Variants in LDLRAD4 observed in about 807,000 individuals in gnomAD.
LDLRAD4 encodes low density lipoprotein receptor class A domain containing 4.
In LDLRAD4, 5 loss-of-function variants were observed where a neutral mutation model predicts 17.0. The observed-to-expected ratio is 0.29, with a 90% CI of 0.15 to 0.62. The LOEUF (loss-of-function observed/expected upper bound fraction) is 0.62, where lower values mean the gene tolerates loss of function less well. LDLRAD4 is among the 20% of genes least tolerant of loss of function. The pLI is 0.84. For synonymous variants in LDLRAD4, 168 were observed against 171.8 expected, an observed-to-expected ratio of 0.98 and a Z score of 0.17; for missense variants, 340 against 424.7, an observed-to-expected ratio of 0.80 and a Z score of 1.75.
intron 3 of LDLRAD4, chr18:13,514,741 A>G (rs1359822516): frequency 2.0e-5 from 3 of 152,228 alleles, no homozygotes; most frequent in South Asian, 2.1e-4. Context: ...GCTTAATGCA[A>G]TGCAGCTTGA....
intron 1 of LDLRAD4, among the ~76,000 whole-genome samples, chr18:13,258,676 C>A (rs2043637144): frequency 6.6e-6 from 1 of 152,146 alleles, no homozygotes; most frequent in South Asian, 2.1e-4. Context: ...TCTGATTGTA[C>A]CTTATTGATA....
chr18:13,280,908 C>T (rs751845070), intron 1 of LDLRAD4, among the ~76,000 whole-genome samples: 18 of 152,206 alleles, frequency 1.2e-4, no homozygotes, highest in Non-Finnish European at 2.5e-4. Context: ...TGCATCCCGA[C>T]CTGAACTTCT....
chr18:13,551,963 G>A (rs1005247780), intron 3 of LDLRAD4, among the ~76,000 whole-genome samples: 7 of 152,114 alleles, frequency 4.6e-5, no homozygotes, highest in African/African-American at 1.7e-4. Flanking sequence ...GCAGGATGGG[G>A]AGCAAGAGGG....
intron 2 of LDLRAD4, among the ~76,000 whole-genome samples, chr18:13,390,709 A>G (rs1180444020): frequency 6.6e-6 from 1 of 152,188 alleles, no homozygotes; most frequent in Non-Finnish European, 1.5e-5. Flanking sequence ...GGGGATCAAA[A>G]TAATGGGTCT....
At chr18:13,286,992 G>A (rs1034625168) in intron 1 of LDLRAD4, among the ~76,000 whole-genome samples, 1 of 152,152 alleles carries the variant, frequency 6.6e-6, no homozygotes, top group African/African-American at 2.4e-5. Context: ...AGGAGGTGGC[G>A]CTCACTCCGA....
intron 3 of LDLRAD4, among the ~76,000 whole-genome samples, chr18:13,548,044 C>T (rs545315028): frequency 6.6e-5 from 10 of 152,176 alleles, no homozygotes; most frequent in East Asian, 1.9e-4. Flanking sequence ...TCATGAGTCC[C>T]GAGGTGGGTA....
In LDLRAD4 at chr18:13,398,164, G is replaced by A. The variant is rs557720265; in HGVS notation, c.40+10402G>A. On this transcript the variant is annotated intron_variant, in intron 2 of 5. Transcript: ENST00000359446. The surrounding 1 kb of genome is among the most constrained non-coding windows in gnomAD (Gnocchi z 4.8). ...TCAGAACCGAGTTGGGGCAGGAGGG[G>A]ACGGAGGGAGAGAGGCAGGAGGCTG... is the stretch of plus-strand genomic sequence containing the variant. Among the ~76,000 whole-genome samples the A allele has an allele frequency of 9.3e-4, 142 of 152,384 alleles. No homozygotes were observed. The highest frequency in any genetic ancestry group is 1.9e-3 in the South Asian group (9 of 4,826).
chr18:13,620,908 C>G, intron 3 of LDLRAD4: 1 of 648,824 alleles, frequency 1.5e-6, no homozygotes, highest in South Asian at 2.0e-5. Flanking sequence ...GCTTCCCGCT[C>G]CCCGCAGCTG....
intron 1 of LDLRAD4, among the ~76,000 whole-genome samples, chr18:13,265,507 C>T (rs1166539910): frequency 2.0e-5 from 3 of 152,186 alleles, no homozygotes; most frequent in Admixed American, 1.3e-4. Context: ...CTGGGCTCAT[C>T]GCAATTTGTC....
chr18:13,483,936 T>G (rs1358539568), intron 3 of LDLRAD4: 1 of 152,664 alleles, frequency 6.6e-6, no homozygotes, highest in Admixed American at 6.5e-5. Context: ...GCCATCTGCT[T>G]CACAGCTCAA....
At chr18:13,443,160 TAAC>T (rs1380879178) in intron 3 of LDLRAD4, among the ~76,000 whole-genome samples, 2 of 152,176 alleles carry the variant, frequency 1.3e-5, no homozygotes, top group African/African-American at 4.8e-5. Flanking sequence ...TTTAGGGTAA[TAAC>T]AACCAAATAA....
chr18:13,322,492 A>AT (rs1774846660), intron 1 of LDLRAD4, among the ~76,000 whole-genome samples: 1 of 151,372 alleles, frequency 6.6e-6, no homozygotes, highest in Non-Finnish European at 1.5e-5. Flanking sequence ...TAGAGATGGG[A>AT]TTTTGCCATA....
intron 3 of LDLRAD4, among the ~76,000 whole-genome samples, chr18:13,530,506 A>T (rs1363992950): frequency 6.6e-6 from 1 of 152,194 alleles, no homozygotes; most frequent in Non-Finnish European, 1.5e-5. Context: ...GTCCAAAAAC[A>T]TCCTGGCCAA....
chr18:13,471,241 T>C (rs2092763871), intron 3 of LDLRAD4: 1 of 152,232 alleles, frequency 6.6e-6, no homozygotes, highest in East Asian at 1.9e-4. Context: ...GTTAGACCCA[T>C]GCGCTGGGTC....
intron 1 of LDLRAD4, among the ~76,000 whole-genome samples, chr18:13,326,681 TC>T (rs1249132859): frequency 6.6e-6 from 1 of 152,154 alleles, no homozygotes; most frequent in Non-Finnish European, 1.5e-5. Flanking sequence ...TGCCTGATGC[TC>T]CTAACAGCTG....
rs895436327 is a variant in LDLRAD4 at position 13,645,783 on chromosome 18, C to T, written c.*126C>T. 1.1e-5 allele frequency: 7 copies of T among 623,250 alleles called. No individual in the cohort carries two copies. Among genetic ancestry groups the T allele is most frequent in the African/African-American group, 1.9e-5 (1 of 53,476 alleles). The allele number at this position is 623,250 out of a possible 1,614,324, so 38.6% of individuals were successfully genotyped here. On this transcript the variant is annotated 3_prime_UTR_variant, in exon 6 of 6. Coordinates refer to ENST00000359446, the Ensembl canonical transcript of LDLRAD4. This position sits in a 1 kb window ranked among gnomAD's most constrained non-coding sequence, Gnocchi z 5.7. ...ATAAGTAAAACCAAATGAGCAAACA[C>T]GGTCTTTGTTTCTGATTCCTTTTAG... is the stretch of plus-strand genomic sequence containing the variant.
intron 1 of LDLRAD4, among the ~76,000 whole-genome samples, chr18:13,364,948 A>G (rs528244105): frequency 9.8e-5 from 15 of 152,314 alleles, no homozygotes; most frequent in African/African-American, 3.6e-4. Context: ...TCTGTAAGCA[A>G]CTTACAGGCT....
intron 3 of LDLRAD4, among the ~76,000 whole-genome samples, chr18:13,569,538 C>T (rs1298037886): frequency 6.6e-6 from 1 of 152,236 alleles, no homozygotes; most frequent in Admixed American, 6.5e-5. Context: ...ATTAGCCTTA[C>T]TTTGGGCTAA....
chr18:13,295,771 A>T (rs187820423), intron 1 of LDLRAD4, among the ~76,000 whole-genome samples: 3 of 152,364 alleles, frequency 2.0e-5, no homozygotes. Context: ...TGAGGCTATA[A>T]GCCTTCTCTA....
Sources: gnomAD v4.1 joint callset for allele counts (sites outside exome capture counted in the v4.1 genomes callset) on GRCh38, gnomAD v4.1.1 for gene constraint, Gnocchi (gnomAD v3.1) non-coding constraint, MANE v1.5 for transcripts, NCBI Gene and HGNC (gene_info 2026-07-23, HGNC 2026-07-21) for gene names.